PKHD1: variants seen among roughly 807,000 people sequenced by gnomAD.
The protein encoded by PKHD1 is PKHD1 ciliary IPT domain containing fibrocystin/polyductin.
Under a neutral mutation model 412.0 loss-of-function variants are expected in PKHD1, and 291 were observed. The ratio of observed to expected loss-of-function variants is 0.71; its 90% CI spans 0.64 to 0.78. The LOEUF (loss-of-function observed/expected upper bound fraction) is 0.78. Among genes scored for constraint, PKHD1 ranks in the 30% least tolerant of loss-of-function variants. PKHD1 has a pLI of 0.00. For synonymous variants in PKHD1, 1,777 were observed against 1,821.5 expected (o/e 0.98, Z 0.62); for missense variants, 4,825 against 4,950.7 (o/e 0.97, Z 0.76).
At chr6:51,972,911 C>G (rs971065480) in intron 35 of PKHD1, among the ~76,000 whole-genome samples, 1 of 152,288 alleles carries the variant, frequency 6.6e-6, no homozygotes. Flanking sequence ...GGAAATAGAT[C>G]CAGAGATTTC....
At chr6:52,035,224 TAA>T (rs1251318957) in intron 28 of PKHD1, among the ~76,000 whole-genome samples, 2 of 152,220 alleles carry the variant, frequency 1.3e-5, no homozygotes, top group African/African-American at 2.4e-5. Context: ...TGATGAAAAC[TAA>T]GTTATTTGTT....
chr6:51,799,923 C>T (rs1175905164), intron 52 of PKHD1, among the ~76,000 whole-genome samples: 4 of 152,276 alleles, frequency 2.6e-5, no homozygotes, highest in East Asian at 1.9e-4. Context: ...TGCTTTCCAC[C>T]GTGTCCTGCC....
intron 35 of PKHD1, among the ~76,000 whole-genome samples, chr6:51,999,317 C>T (rs1217747432): frequency 2.0e-5 from 3 of 152,130 alleles, no homozygotes; most frequent in Non-Finnish European, 2.9e-5. Flanking sequence ...CTTCTGGTTC[C>T]CCTTCTTTTC....
intron 43 of PKHD1, among the ~76,000 whole-genome samples, chr6:51,892,175 T>G (rs1258609633): frequency 3.9e-5 from 6 of 152,206 alleles, no homozygotes; most frequent in Non-Finnish European, 7.3e-5. Flanking sequence ...ATTCTCCAAT[T>G]TCCTAAAAGC....
chr6:51,756,060 C>A (rs1326586), intron 55 of PKHD1, among the ~76,000 whole-genome samples: 48,603 of 151,858 alleles, frequency 0.32, 9,650 homozygotes, highest in East Asian at 0.7. Context: ...TAAACCTAAT[C>A]ATTTGCAAGC....
chr6:51,617,501 C>T lies in PKHD1; in HGVS notation c.*1580G>A, dbSNP rs1282823691. ...AGAGTAAACGTCTATAAACCAACTT[C>T]TTGCAAATCATTCCCTGAACACAGA... On this transcript the variant is annotated 3_prime_UTR_variant, in exon 67 of 67. Coordinates refer to ENST00000371117, the MANE Select transcript of PKHD1 (RefSeq NM_138694.4). 1 of 152,176 alleles carries T rather than the reference C, an allele frequency of 6.6e-6. No individual in the cohort carries two copies. The highest frequency in any genetic ancestry group is 1.5e-5 in the Non-Finnish European group (1 of 68,052). The allele number at this position is 152,176 out of a possible 1,614,324, so 9.4% of individuals were successfully genotyped here.
chr6:52,034,762 T>G (rs1272300100), intron 28 of PKHD1, among the ~76,000 whole-genome samples: 1 of 152,212 alleles, frequency 6.6e-6, no homozygotes, highest in Non-Finnish European at 1.5e-5. Flanking sequence ...TAATAAGGAA[T>G]AGTTAAACAA....
chr6:51,796,491 T>C (rs1040762457), intron 52 of PKHD1, among the ~76,000 whole-genome samples: 1 of 152,230 alleles, frequency 6.6e-6, no homozygotes, highest in South Asian at 2.1e-4. Flanking sequence ...CATGTCTCTA[T>C]GTCCTTCAGT....
chr6:52,071,009 T>G lies in PKHD1; in HGVS notation c.664A>C (p.Ile222Leu), dbSNP rs369925690. 1 of 1,584,436 alleles carries G rather than the reference T, an allele frequency of 6.3e-7. No individual in the cohort carries two copies. Among genetic ancestry groups the G allele is most frequent in the Non-Finnish European group, 8.7e-7 (1 of 1,153,038 alleles). The change falls in exon 9 of 67, where the codon ATC becomes CTC. Residue 222 changes from isoleucine (I) to leucine (L), a missense_variant. Transcript: ENST00000371117. ...TLQCHVEGDY[I>L]GSQNVSFSVF... Reference sequence around the variant, plus strand: ...TTATGTTACTTCTCTAACAGACCGATGTAGTCGCCTTCCACATGGCACTGC... The same window carrying G: ...TTATGTTACTTCTCTAACAGACCGAGGTAGTCGCCTTCCACATGGCACTGC...
At chr6:52,003,322 C>T (rs1353198443) in intron 35 of PKHD1, among the ~76,000 whole-genome samples, 1 of 152,060 alleles carries the variant, frequency 6.6e-6, no homozygotes, top group Non-Finnish European at 1.5e-5. Flanking sequence ...TTGGTCTTGT[C>T]AAATCAAGTA....
intron 60 of PKHD1, chr6:51,721,124 A>G: frequency 1.0e-6 from 1 of 979,496 alleles, no homozygotes; most frequent in Non-Finnish European, 1.2e-6. Context: ...AGAATGGCAC[A>G]CTGTTCCAAT....
At chr6:51,832,009 G>A (rs1329133554) in intron 51 of PKHD1, among the ~76,000 whole-genome samples, 1 of 152,086 alleles carries the variant, frequency 6.6e-6, no homozygotes, top group Non-Finnish European at 1.5e-5. Context: ...CTTTTGAGGG[G>A]AGGGAGGGAA....
rs534708807 is a variant in PKHD1, at chr6:51,620,787, C to CAT, written c.11786-1269_11786-1268dup. On this transcript the variant is annotated intron_variant, in intron 66 of 66. Transcript: ENST00000371117. Reference sequence around the variant, plus strand: ...AGAGAAAGTAATAACATTATATATACATATATATATATGTATATATATATA... The same window carrying CAT: ...AGAGAAAGTAATAACATTATATATACATATATATATATATGTATATATATATA... Among the ~76,000 whole-genome samples the CAT allele has an allele frequency of 3.7e-3, 548 of 146,792 alleles. 4 individuals are homozygous for CAT. Among genetic ancestry groups the CAT allele is most frequent in the Admixed American group, 4.4e-3 (65 of 14,668 alleles).
At chr6:51,642,380 G>A (rs1769480790) in intron 63 of PKHD1, among the ~76,000 whole-genome samples, 1 of 152,170 alleles carries the variant, frequency 6.6e-6, no homozygotes, top group Non-Finnish European at 1.5e-5. Flanking sequence ...TAAGGGTCTG[G>A]AGAATGTGTA....
chr6:51,813,251 TG>T (rs1185422197), intron 52 of PKHD1, among the ~76,000 whole-genome samples: 1 of 152,174 alleles, frequency 6.6e-6, no homozygotes, highest in Non-Finnish European at 1.5e-5. Context: ...GATTTCTTAG[TG>T]TGTCAAACAT....
At chr6:51,908,315 G>T (rs1782438499) in intron 40 of PKHD1, among the ~76,000 whole-genome samples, 1 of 152,136 alleles carries the variant, frequency 6.6e-6, no homozygotes, top group Non-Finnish European at 1.5e-5. Flanking sequence ...GGATTACTCT[G>T]CAATTACCTG....
intron 7 of PKHD1, 47 bp from the exon 8 acceptor site, chr6:52,072,236 A>C (rs1376173654): frequency 9.0e-7 from 1 of 1,111,286 alleles, no homozygotes; most frequent in Non-Finnish European, 1.4e-6. Flanking sequence ...ATAATTGTGC[A>C]ATACTCCCAA....
Position 51,627,030 on chromosome 6 carries a change from C to A in PKHD1, c.11752G>T (p.Gly3918Trp). 6.2e-7 allele frequency: 1 copy of A among 1,613,462 alleles called. No individual in the cohort carries two copies. Among genetic ancestry groups the A allele is most frequent in the Non-Finnish European group, 8.5e-7 (1 of 1,179,584 alleles). ...HISSKRRESQGPKKEDTVVGE... is the reference protein window; with the variant it reads ...HISSKRRESQWPKKEDTVVGE... Reference sequence around the variant, plus strand: ...ACCACAGTGTCTTCTTTTTTGGGCCCTTGTGATTCTCGGCGTTTGGATGAG... The same window carrying A: ...ACCACAGTGTCTTCTTTTTTGGGCCATTGTGATTCTCGGCGTTTGGATGAG... Residue 3918 changes from glycine (G) to tryptophan (W), a missense_variant, in exon 66 of 67, where the codon GGG becomes TGG. Physicochemically the swap from Gly to Trp is radical, Grantham distance 184 (BLOSUM62 -2). Coordinates refer to ENST00000371117, the MANE Select transcript of PKHD1 (RefSeq NM_138694.4).
At chr6:51,894,669 G>A (rs989352869) in intron 43 of PKHD1, among the ~76,000 whole-genome samples, 2 of 152,212 alleles carry the variant, frequency 1.3e-5, no homozygotes, top group Non-Finnish European at 2.9e-5. Flanking sequence ...CCAGGTCAGA[G>A]ATTTCAAGGT....
Sources: gnomAD v4.1 joint callset for allele counts (sites outside exome capture counted in the v4.1 genomes callset) on GRCh38, gnomAD v4.1.1 for gene constraint, MANE v1.5 for transcripts, NCBI Gene and HGNC (gene_info 2026-07-23, HGNC 2026-07-21) for gene names.